DPH6: variants seen among roughly 807,000 people sequenced by gnomAD.
The protein encoded by DPH6 is diphthamine biosynthesis 6.
In DPH6, 33 loss-of-function variants were observed where a neutral mutation model predicts 38.2. That is an observed-to-expected ratio of 0.86 (90% CI 0.65 to 1.15). The LOEUF is 1.15. Ranked by LOEUF, DPH6 falls within the 50% of genes most tolerant of loss-of-function variation. The probability of loss-of-function intolerance (pLI) is 0.00; values close to 1 mark genes in which losing one functional copy is unlikely to be tolerated. For synonymous variants in DPH6, 108 were observed against 103.0 expected (o/e 1.05, Z -0.30); for missense variants, 325 against 320.0 (o/e 1.02, Z -0.12).
chr15:35,260,505 A>G (rs2051739473), intron 3 of DPH6, among the ~76,000 whole-genome samples: 1 of 150,616 alleles, frequency 6.6e-6, no homozygotes, highest in African/African-American at 2.4e-5. Flanking sequence ...TTATTATTTA[A>G]TAATAAATTA....
intron 3 of DPH6, among the ~76,000 whole-genome samples, chr15:35,522,671 G>T (rs1566939530): frequency 6.6e-6 from 1 of 151,948 alleles, no homozygotes; most frequent in African/African-American, 2.4e-5. Context: ...ATACCATTCA[G>T]TGCATTTTTA....
intron 3 of DPH6, among the ~76,000 whole-genome samples, chr15:35,290,032 C>G (rs1233187904): frequency 1.3e-5 from 2 of 152,152 alleles, no homozygotes; most frequent in African/African-American, 4.8e-5. Flanking sequence ...GTAAACCACA[C>G]TAAAGTTGAA....
intron 3 of DPH6, among the ~76,000 whole-genome samples, chr15:35,331,290 A>C (rs1284568424): frequency 6.6e-6 from 1 of 152,336 alleles, no homozygotes; most frequent in Non-Finnish European, 1.5e-5. Context: ...GTAAACATAC[A>C]GTAACAAATG....
At chr15:35,534,206 C>T (rs1035277990) in intron 3 of DPH6, among the ~76,000 whole-genome samples, 3 of 151,650 alleles carry the variant, frequency 2.0e-5, no homozygotes, top group African/African-American at 4.8e-5. Context: ...GGAGAAACCC[C>T]GTCTCAACTA....
intron 3 of DPH6, among the ~76,000 whole-genome samples, chr15:35,260,160 A>G (rs533022465): frequency 2.0e-5 from 3 of 152,176 alleles, no homozygotes; most frequent in Middle Eastern, 3.4e-3. Context: ...CCAGGCTGGA[A>G]TGCAGTGGCA....
At chr15:35,295,430 C>A (rs2052008311) in intron 3 of DPH6, among the ~76,000 whole-genome samples, 1 of 152,198 alleles carries the variant, frequency 6.6e-6, no homozygotes, top group Admixed American at 6.5e-5. Context: ...CTTTCCCACC[C>A]ACGTTCTAGG....
intron 3 of DPH6, among the ~76,000 whole-genome samples, chr15:35,463,798 A>G (rs987495474): frequency 2.6e-5 from 4 of 152,206 alleles, no homozygotes; most frequent in Non-Finnish European, 5.9e-5. Context: ...ATATATATAT[A>G]TACACATTCA....
rs113424547 is a variant in DPH6 at position 35,240,542 on chromosome 15, G to C, written n.201-19960C>G. Among the ~76,000 whole-genome samples, 10 of 142,934 alleles carry C rather than the reference G, an allele frequency of 7.0e-5. 2 individuals are homozygous for C. The highest frequency in any genetic ancestry group is 1.5e-4 in the Non-Finnish European group (10 of 65,376). The allele number at this position is 142,934 out of a possible 152,430, so 93.8% of individuals were successfully genotyped here. On this transcript the variant is annotated intron_variant and non_coding_transcript_variant, in intron 3 of 3. Transcript: ENST00000560386. ...TTATCGCCTCCCCTCCTCACACCTG[G>C]TCTGGCTTACAGTTTCATTCTGTGA...
intron 3 of DPH6, among the ~76,000 whole-genome samples, chr15:35,324,256 A>G (rs1169913796): frequency 6.6e-6 from 1 of 152,200 alleles, no homozygotes; most frequent in African/African-American, 2.4e-5. Flanking sequence ...AGAGTGTCTG[A>G]AGATGCTATA....
intron 3 of DPH6, among the ~76,000 whole-genome samples, chr15:35,512,020 T>TA (rs1377822183): frequency 6.6e-5 from 10 of 152,042 alleles, no homozygotes; most frequent in Non-Finnish European, 7.4e-5. Flanking sequence ...TAAAAGTTCA[T>TA]AAAAAAGGGG....
downstream of DPH6, among the ~76,000 whole-genome samples, chr15:35,368,797 A>G (rs2052684865): frequency 6.6e-6 from 1 of 151,838 alleles, no homozygotes. Flanking sequence ...AGTTTTGTAC[A>G]TAATGAGAAT....
intron 5 of DPH6, among the ~76,000 whole-genome samples, chr15:35,443,181 C>T (rs936468223): frequency 3.9e-5 from 6 of 152,090 alleles, no homozygotes; most frequent in African/African-American, 1.4e-4. Context: ...TAACTGTTCT[C>T]AGAAATTATA....
chr15:35,362,732 C>A (rs1446398413), intron 3 of DPH6, among the ~76,000 whole-genome samples: 2 of 152,148 alleles, frequency 1.3e-5, no homozygotes, highest in African/African-American at 4.8e-5. Flanking sequence ...TCTTTCTGAT[C>A]ACACCAAGTT....
At chr15:35,238,121 C>T (rs1377013764) in intron 3 of DPH6, 5 of 1,263,030 alleles carry the variant, frequency 4.0e-6, no homozygotes, top group Non-Finnish European at 5.8e-6. Context: ...TACCCATATC[C>T]CCTCCCCCGC....
downstream of DPH6, among the ~76,000 whole-genome samples, chr15:35,215,484 G>C (rs2051406395): frequency 6.6e-6 from 1 of 152,040 alleles, no homozygotes; most frequent in Non-Finnish European, 1.5e-5. Flanking sequence ...AAACTCTTGG[G>C]CTCTTACTCC....
At chr15:35,186,738 A>G in the DPH6 span, among the ~76,000 whole-genome samples, 1 of 152,254 alleles carries the variant, frequency 6.6e-6, no homozygotes, top group Non-Finnish European at 1.5e-5. Flanking sequence ...ATCCAAGTTC[A>G]GTATTTTGGA....
intron 6 of DPH6, among the ~76,000 whole-genome samples, chr15:35,382,833 C>G (rs972901485): frequency 6.7e-6 from 1 of 150,070 alleles, no homozygotes; most frequent in Admixed American, 6.6e-5. Flanking sequence ...TTTGTCTAAT[C>G]AAACCTGAAA....
intron 3 of DPH6, among the ~76,000 whole-genome samples, chr15:35,314,337 AT>A (rs1235939630): frequency 2.6e-5 from 4 of 151,898 alleles, no homozygotes; most frequent in South Asian, 2.1e-4. Context: ...CATATTTCTC[AT>A]TTTTTTTGCT....
intron 5 of DPH6, among the ~76,000 whole-genome samples, chr15:35,447,453 C>G (rs1299760170): frequency 6.6e-6 from 1 of 152,128 alleles, no homozygotes; most frequent in Non-Finnish European, 1.5e-5. Flanking sequence ...CCGCCATTTC[C>G]ATCTATTACC....
Sources: allele counts gnomAD v4.1 joint callset (sites outside exome capture counted in the v4.1 genomes callset), GRCh38; gene constraint gnomAD v4.1.1; transcripts MANE v1.5; gene names NCBI Gene and HGNC (gene_info 2026-07-23, HGNC 2026-07-21).